Variants in SRGAP1 observed in about 807,000 individuals in gnomAD.
SRGAP1 encodes the protein SLIT-ROBO Rho GTPase activating protein 1.
SRGAP1 carries 43 observed loss-of-function variants against 121.9 expected under a neutral mutation model. That is an observed-to-expected ratio of 0.35 (90% CI 0.28 to 0.46). The LOEUF is 0.46. Among genes scored for constraint, SRGAP1 ranks in the 20% least tolerant of loss-of-function variants. SRGAP1 has a pLI of 1.00. For missense variants in SRGAP1, 1,102 were observed against 1,350.9 expected, an observed-to-expected ratio of 0.82 and a Z score of 2.89; for synonymous variants, 447 against 485.4, an observed-to-expected ratio of 0.92 and a Z score of 1.04.
At chr12:64,061,866 TCTTC>T (rs1031825904) in intron 6 of SRGAP1, among the ~76,000 whole-genome samples, 29 of 152,234 alleles carry the variant, frequency 1.9e-4, no homozygotes, top group African/African-American at 3.9e-4. Flanking sequence ...ATGTATCAGT[TCTTC>T]CTTCCTTTTT....
At chr12:63,929,575 GTTTTT>G (rs1217261573) in intron 1 of SRGAP1, among the ~76,000 whole-genome samples, 1 of 137,152 alleles carries the variant, frequency 7.3e-6, no homozygotes, top group African/African-American at 2.6e-5. Context: ...GCCCCCACGA[GTTTTT>G]TTTTTTTTTT....
intron 1 of SRGAP1, among the ~76,000 whole-genome samples, chr12:63,847,812 C>G (rs1373194073): frequency 6.6e-6 from 1 of 151,904 alleles, no homozygotes; most frequent in East Asian, 1.9e-4. Context: ...TGGGTGATTT[C>G]AAGAGTCATT....
intron 21 of SRGAP1, among the ~76,000 whole-genome samples, chr12:64,138,995 A>G (rs1287654364): frequency 6.6e-6 from 1 of 152,192 alleles, no homozygotes; most frequent in Non-Finnish European, 1.5e-5. Context: ...AACACCATCT[A>G]AAAAATATTT....
intron 12 of SRGAP1, 99 bp from the exon 13 acceptor site, chr12:64,094,832 CA>C: frequency 8.4e-7 from 1 of 1,193,578 alleles, no homozygotes; most frequent in African/African-American, 1.5e-5. Context: ...TCCAGAACTG[CA>C]AAAATCCCTC....
chr12:63,977,103 T>G (rs1428275479), intron 1 of SRGAP1, among the ~76,000 whole-genome samples: 1 of 152,174 alleles, frequency 6.6e-6, no homozygotes, highest in African/African-American at 2.4e-5. Context: ...AAGCTTATTA[T>G]GCAAAATTTG....
chr12:63,956,448 T>C (rs544851230), intron 1 of SRGAP1, among the ~76,000 whole-genome samples: 22 of 152,280 alleles, frequency 1.4e-4, no homozygotes, highest in African/African-American at 4.8e-4. Context: ...TGCAGATGCA[T>C]AAATTGTGCA....
rs386376760 is a variant in SRGAP1 at position 64,012,551 on chromosome 12, C to CTTTTTTTTTTT, written c.427-4384_427-4374dup. Among the ~76,000 whole-genome samples, 3 of 77,676 alleles carry CTTTTTTTTTTT rather than the reference C, an allele frequency of 3.9e-5. 1 individual carries two copies. The highest frequency in any genetic ancestry group is 6.8e-5 in the Non-Finnish European group (3 of 44,218). The allele number at this position is 77,676 out of a possible 152,430, so 51.0% of individuals were successfully genotyped here. Reference sequence around the variant, plus strand: ...GCTTTCAAATATTTTAAGTTATTATCTTTTTTTTTTTTTTTTTTTTTTTTT... The same window carrying CTTTTTTTTTTT: ...GCTTTCAAATATTTTAAGTTATTATCTTTTTTTTTTTTTTTTTTTTTTTTTTTTTTTTTTTT... On this transcript the variant is annotated intron_variant, in intron 3 of 21. Transcript: ENST00000355086.
chr12:64,085,057 C>A (rs1034311908), intron 10 of SRGAP1, among the ~76,000 whole-genome samples: 1 of 152,042 alleles, frequency 6.6e-6, no homozygotes, highest in African/African-American at 2.4e-5. Flanking sequence ...AAAGGTGGTA[C>A]ATTATAGTGC....
In SRGAP1 at chr12:64,154,506, T is replaced by TAAATTAAATATGGGAATA. The variant is rs2037148552; in HGVS notation, c.*11837_*11854dup. On this transcript the variant is annotated 3_prime_UTR_variant, in exon 22 of 22. Coordinates refer to ENST00000355086, the MANE Select transcript of SRGAP1 (RefSeq NM_020762.4). ...CAGAGTCAAAATCAAGATTTGCTAA[T>TAAATTAAATATGGGAATA]AAATTAAATATGGGAATAAAGAAAG... 1 of 152,108 alleles carries TAAATTAAATATGGGAATA rather than the reference T, an allele frequency of 6.6e-6. No homozygotes were observed. The highest frequency in any genetic ancestry group is 2.4e-5 in the African/African-American group (1 of 41,404). 9.4% of individuals were successfully genotyped at this position (152,108 alleles called of 1,614,324 possible). A position where few individuals can be genotyped will look rare whatever the true frequency, so the allele number is the denominator to read the frequency against.
chr12:63,940,340 G>A (rs1436815942), intron 1 of SRGAP1, among the ~76,000 whole-genome samples: 2 of 150,424 alleles, frequency 1.3e-5, no homozygotes, highest in Non-Finnish European at 3.0e-5. Context: ...TTTTTCTGTG[G>A]CCCAGCCTGA....
chr12:64,034,612 T>C (rs552787749), intron 4 of SRGAP1, among the ~76,000 whole-genome samples: 5 of 152,344 alleles, frequency 3.3e-5, no homozygotes, highest in African/African-American at 1.2e-4. Flanking sequence ...ACATTTACTG[T>C]GCACTTATAT....
At chr12:64,044,762 C>T (rs2035093995) in intron 6 of SRGAP1, among the ~76,000 whole-genome samples, 1 of 144,804 alleles carries the variant, frequency 6.9e-6, no homozygotes, top group African/African-American at 2.5e-5. Flanking sequence ...GCTTACTTAA[C>T]CTCTGCCTCC....
chr12:64,056,737 T>C (rs2035351143), intron 6 of SRGAP1, among the ~76,000 whole-genome samples: 1 of 152,156 alleles, frequency 6.6e-6, no homozygotes, highest in Non-Finnish European at 1.5e-5. Context: ...TTAGTCACCA[T>C]ACATCAGGTA....
At chr12:64,009,850 A>G (rs1317295069) in intron 3 of SRGAP1, among the ~76,000 whole-genome samples, 1 of 152,190 alleles carries the variant, frequency 6.6e-6, no homozygotes, top group African/African-American at 2.4e-5. Context: ...TTTAGTAAGT[A>G]CAAAACCATG....
chr12:63,956,087 G>T (rs140559526), intron 1 of SRGAP1, among the ~76,000 whole-genome samples: 1 of 152,094 alleles, frequency 6.6e-6, no homozygotes, highest in African/African-American at 2.4e-5. Context: ...TTGAGACAGG[G>T]TCTAGGTCTG....
intron 4 of SRGAP1, among the ~76,000 whole-genome samples, chr12:64,017,793 C>CT (rs566681918): frequency 8.0e-5 from 12 of 150,162 alleles, no homozygotes; most frequent in South Asian, 4.2e-4. Context: ...TGAAGGATAT[C>CT]TTTTTTTTTG....
At chr12:64,051,198 A>T (rs1406208503) in intron 6 of SRGAP1, among the ~76,000 whole-genome samples, 1 of 152,206 alleles carries the variant, frequency 6.6e-6, no homozygotes, top group African/African-American at 2.4e-5. Flanking sequence ...GCACTTTGCA[A>T]TAGAATACAT....
At chr12:63,847,206 C>G (rs1898931071) in intron 1 of SRGAP1, among the ~76,000 whole-genome samples, 1 of 151,926 alleles carries the variant, frequency 6.6e-6, no homozygotes, top group Non-Finnish European at 1.5e-5. Context: ...TGTGGTGGCA[C>G]ACACCTGTGG....
In SRGAP1 at chr12:64,007,878, C is replaced by G. The variant is rs544281706; in HGVS notation, c.427-9072C>G. ...AGTACCACAAACACAGTTGAATATTCTAAAAAGTAAATCTTGAATTATGTT... is the reference window on the plus strand; with the variant it reads ...AGTACCACAAACACAGTTGAATATTGTAAAAAGTAAATCTTGAATTATGTT... On this transcript the variant is annotated intron_variant, in intron 3 of 21. Coordinates refer to ENST00000355086, the MANE Select transcript of SRGAP1 (RefSeq NM_020762.4). Among the ~76,000 whole-genome samples, 5 of 152,170 alleles carry G rather than the reference C, an allele frequency of 3.3e-5. No individual in the cohort carries two copies. In the East Asian group the frequency reaches 9.7e-4, roughly 29 times the overall value.
Sources: allele counts gnomAD v4.1 joint callset (sites outside exome capture counted in the v4.1 genomes callset), GRCh38; gene constraint gnomAD v4.1.1; transcripts MANE v1.5; gene names NCBI Gene and HGNC (gene_info 2026-07-23, HGNC 2026-07-21).